NT5C1B: variants seen among roughly 807,000 people sequenced by gnomAD.
NT5C1B encodes the protein 5'-nucleotidase, cytosolic IB, also known as cytosolic 5'-nucleotidase 1B.
In NT5C1B, 44 loss-of-function variants were observed where a neutral mutation model predicts 57.8. That is an observed-to-expected ratio of 0.76 (90% CI 0.60 to 0.98). The LOEUF is 0.98. Among genes scored for constraint, NT5C1B ranks in the 50% least tolerant of loss-of-function variants. The pLI is 0.00. For synonymous variants in NT5C1B, 284 were observed against 282.6 expected (o/e 1.00, Z -0.05); for missense variants, 742 against 719.5 (o/e 1.03, Z -0.36).
At chr2:18,587,023 C>G in intron 2 of NT5C1B, 2 of 1,614,194 alleles carry the variant, frequency 1.2e-6, no homozygotes, top group Non-Finnish European at 1.7e-6. Flanking sequence ...TGGCCCTGCT[C>G]CCACAACAGG....
intron 8 of NT5C1B, among the ~76,000 whole-genome samples, chr2:18,574,420 A>C (rs950381793): frequency 1.3e-5 from 2 of 152,286 alleles, no homozygotes; most frequent in South Asian, 2.1e-4. Context: ...ACAGAATGGA[A>C]GTTTTTCCAA....
intron 8 of NT5C1B, among the ~76,000 whole-genome samples, chr2:18,573,920 C>A (rs1665436677): frequency 6.6e-6 from 1 of 152,004 alleles, no homozygotes; most frequent in African/African-American, 2.4e-5. Flanking sequence ...TTGGGATTCA[C>A]AATTTTAATT....
At chr2:18,589,511 G>T (rs760970689) in exon 1 of NT5C1B, 14 of 1,613,376 alleles carry the variant, frequency 8.7e-6, no homozygotes, top group Non-Finnish European at 1.1e-5. Context: ...CCACATTTTT[G>T]TCTCCCCAGC....
At position 18,584,315 on chromosome 2, in the gene NT5C1B, G is replaced by T. The variant is rs1666467613; in HGVS notation, c.724-60C>A. The stretch of plus-strand genomic sequence containing the variant: ...ATAGCCACGAAGAGGACAGGGTTGG[G>T]GCTCCTCCAGGGTAGGGTGAGAGTA... On this transcript the variant is annotated intron_variant, in intron 4 of 8. Transcript: ENST00000304081. This position sits in a 1 kb window ranked among gnomAD's most constrained non-coding sequence, Gnocchi z 5.8. The T allele has an allele frequency of 9.5e-6, 15 of 1,584,650 alleles. No homozygotes were observed. Among genetic ancestry groups the T allele is most frequent in the Non-Finnish European group, 8.6e-7 (1 of 1,165,218 alleles).
At chr2:18,587,909 T>G (rs1018484852) in intron 1 of NT5C1B, among the ~76,000 whole-genome samples, 1 of 152,190 alleles carries the variant, frequency 6.6e-6, no homozygotes, top group African/African-American at 2.4e-5. Context: ...TTATGTAGAA[T>G]AAGTTTGTTT....
intron 8 of NT5C1B, among the ~76,000 whole-genome samples, chr2:18,567,337 A>G (rs1240572648): frequency 6.6e-6 from 1 of 152,226 alleles, no homozygotes; most frequent in Non-Finnish European, 1.5e-5. Context: ...CCACTGTTAC[A>G]GAAGAAAACA....
rs1664743459 is a variant in NT5C1B at position 18,567,401 on chromosome 2, G to T, written c.1330-3282C>A. On this transcript the variant is annotated intron_variant, in intron 8 of 8. Transcript: ENST00000304081. ...CAAGGATTGGTACCATTAGATATTGGCTATCACTGGGGCATGGCAAGATCC... is the reference window on the plus strand; with the variant it reads ...CAAGGATTGGTACCATTAGATATTGTCTATCACTGGGGCATGGCAAGATCC... 2.0e-5 allele frequency among the ~76,000 whole-genome samples: 3 copies of T among 152,120 alleles called. No individual in the cohort carries two copies. In the South Asian group the frequency reaches 6.2e-4, roughly 32 times the overall value.
At chr2:18,589,442 T>G in exon 1 of NT5C1B, 1 of 1,614,114 alleles carries the variant, frequency 6.2e-7, no homozygotes, top group Non-Finnish European at 8.5e-7. Flanking sequence ...CACTCACCTT[T>G]TTCTGTTTGA....
intron 3 of NT5C1B, among the ~76,000 whole-genome samples, chr2:18,585,893 A>G (rs1666658679): frequency 6.6e-6 from 1 of 151,794 alleles, no homozygotes; most frequent in Non-Finnish European, 1.5e-5. Context: ...GCCCCACACA[A>G]TCTGACACTC....
chr2:18,571,638 C>T lies in NT5C1B; in HGVS notation c.1329+4546G>A, dbSNP rs1033141987. Among the ~76,000 whole-genome samples, 54 of 145,834 alleles carry T rather than the reference C, an allele frequency of 3.7e-4. No homozygotes were observed. The Middle Eastern group carries it at 0.011, about 29-fold the overall frequency. On this transcript the variant is annotated intron_variant, in intron 8 of 8. Transcript: ENST00000304081. The stretch of plus-strand genomic sequence containing the variant: ...AAAAATTCTTGTAAAAATTTTTCCC[C>T]CAGAAATAAACTTCTTAAATCTATA...
exon 9 of NT5C1B, chr2:18,563,282 T>G (rs1489807791): frequency 2.0e-5 from 3 of 152,234 alleles, no homozygotes; most frequent in Non-Finnish European, 4.4e-5. Context: ...TCAAAATTGT[T>G]ATACTCATGC....
intron 5 of NT5C1B, chr2:18,583,803 A>G (rs752713985): frequency 1.3e-5 from 8 of 602,638 alleles, no homozygotes; most frequent in Non-Finnish European, 2.5e-5. Flanking sequence ...ATGGCTTCTT[A>G]GCACTCCTTC....
intron 7 of NT5C1B, 72 bp downstream of exon 7, chr2:18,576,701 T>G: frequency 6.3e-7 from 1 of 1,586,828 alleles, no homozygotes; most frequent in South Asian, 1.2e-5. Flanking sequence ...CATAATCATA[T>G]GCGAAACTTA....
intron 8 of NT5C1B, among the ~76,000 whole-genome samples, chr2:18,567,046 A>G (rs1196160175): frequency 2.0e-5 from 3 of 152,188 alleles, no homozygotes; most frequent in African/African-American, 4.8e-5. Flanking sequence ...GGGTCCACCA[A>G]TGAGAGAGCA....
intron 7 of NT5C1B, among the ~76,000 whole-genome samples, 177 bp downstream of exon 7, chr2:18,576,596 T>C (rs919814130): frequency 1.3e-5 from 2 of 152,172 alleles, no homozygotes; most frequent in African/African-American, 4.8e-5. Flanking sequence ...ACTGAGGATG[T>C]CCATTTCCAG....
intron 8 of NT5C1B, among the ~76,000 whole-genome samples, chr2:18,575,283 G>A (rs1665577043): frequency 6.6e-6 from 1 of 152,016 alleles, no homozygotes. Context: ...TTCCAAAGGA[G>A]CTATTTAGAA....
chr2:18,585,210 A>T, intron 3 of NT5C1B: 1 of 770,830 alleles, frequency 1.3e-6, no homozygotes, highest in Non-Finnish European at 2.3e-6. Context: ...CCCCATAAGC[A>T]TTTCACACGT....
chr2:18,572,338 A>T (rs746689993), intron 8 of NT5C1B, among the ~76,000 whole-genome samples: 2 of 152,136 alleles, frequency 1.3e-5, no homozygotes, highest in African/African-American at 2.4e-5. Context: ...AAACCATAAA[A>T]TTTCTATATA....
chr2:18,587,073 AG>A (rs1190489790), intron 2 of NT5C1B: 18 of 1,614,102 alleles, frequency 1.1e-5, no homozygotes, highest in Non-Finnish European at 1.4e-5. Context: ...GCAGGGGCCA[AG>A]GGCTGTTCCC....
Sources: gnomAD v4.1 joint callset for allele counts (sites outside exome capture counted in the v4.1 genomes callset) on GRCh38, gnomAD v4.1.1 for gene constraint, Gnocchi (gnomAD v3.1) non-coding constraint, MANE v1.5 for transcripts, NCBI Gene and HGNC (gene_info 2026-07-23, HGNC 2026-07-21) for gene names.